PCDH15: variants seen among roughly 807,000 people sequenced by gnomAD.
PCDH15 encodes protocadherin-15.
Under a neutral mutation model 178.5 loss-of-function variants are expected in PCDH15, and 129 were observed. The observed-to-expected ratio is 0.72, with a 90% confidence interval of 0.63 to 0.84. The LOEUF is 0.84. Ranked by LOEUF, PCDH15 falls within the 40% of genes least tolerant of loss-of-function variation. PCDH15 has a pLI of 0.00. For missense variants in PCDH15, 2,230 were observed against 2,099.9 expected, an observed-to-expected ratio of 1.06 and a Z score of -1.21; for synonymous variants, 800 against 732.0, an observed-to-expected ratio of 1.09 and a Z score of -1.50.
intron 1 of PCDH15, among the ~76,000 whole-genome samples, chr10:54,706,412 A>G (rs1374316581): frequency 1.3e-5 from 2 of 152,170 alleles, no homozygotes; most frequent in Non-Finnish European, 2.9e-5. Flanking sequence ...ATAGGCCTAT[A>G]AGAATTTAAA....
In PCDH15 at chr10:54,828,350, T is replaced by C. The variant is rs1354671584; in HGVS notation, c.-29+69100A>G. Among the ~76,000 whole-genome samples the C allele has an allele frequency of 2.0e-5, 3 of 151,932 alleles. No individual in the cohort carries two copies. In the East Asian group the frequency reaches 5.8e-4, roughly 29 times the overall value. ...GGATCCAAAATGAAAATTGAGGATGTTGATAATTTGTAAAATCAAGCTTTT... is the reference window on the plus strand; with the variant it reads ...GGATCCAAAATGAAAATTGAGGATGCTGATAATTTGTAAAATCAAGCTTTT... On this transcript the variant is annotated intron_variant, in intron 3 of 5. Coordinates refer to the PCDH15 transcript ENST00000458638.
At chr10:53,818,232 C>G (rs574174860) in intron 33 of PCDH15, 9 of 361,224 alleles carry the variant, frequency 2.5e-5, no homozygotes, top group African/African-American at 1.9e-4. Context: ...CAACCCAGAG[C>G]CTCGTTCCAT....
intron 2 of PCDH15, among the ~76,000 whole-genome samples, chr10:54,925,077 G>C (rs1176871919): frequency 6.6e-6 from 1 of 151,852 alleles, no homozygotes. Context: ...TTATAGTTTT[G>C]GGTTCTATAT....
chr10:54,541,415 A>G (rs2132975286), intron 2 of PCDH15, among the ~76,000 whole-genome samples: 1 of 152,334 alleles, frequency 6.6e-6, no homozygotes, highest in Non-Finnish European at 1.5e-5. Context: ...TTTAAATTAC[A>G]TAGTGATAAT....
intron 16 of PCDH15, among the ~76,000 whole-genome samples, chr10:54,081,773 A>G (rs1337691031): frequency 6.6e-6 from 1 of 152,190 alleles, no homozygotes; most frequent in Non-Finnish European, 1.5e-5. Context: ...CAATTGATAA[A>G]GCATCAATAA....
At chr10:55,107,187 A>G (rs1564803744) in intron 2 of PCDH15, among the ~76,000 whole-genome samples, 1 of 152,192 alleles carries the variant, frequency 6.6e-6, no homozygotes, top group Non-Finnish European at 1.5e-5. Context: ...TTCTATTGGT[A>G]TACACTTAAA....
At position 53,828,553 on chromosome 10, in the gene PCDH15, A is replaced by C. The variant is rs766470560; in HGVS notation, c.4211+12T>G. ...ACATGAAAAGGATGTGTAAAATGTT[A>C]ATTATACTTACACTTTAAACCTGTT... On this transcript the variant is annotated intron_variant, in intron 31 of 37. Coordinates refer to ENST00000644397, the MANE Select transcript of PCDH15 (RefSeq NM_001384140.1). The C allele has an allele frequency of 2.6e-6, 4 of 1,551,588 alleles. No homozygotes were observed. The highest frequency in any genetic ancestry group is 2.7e-6 in the Non-Finnish European group (3 of 1,123,778).
At chr10:55,118,932 T>C (rs1004348785) in intron 2 of PCDH15, among the ~76,000 whole-genome samples, 16 of 152,152 alleles carry the variant, frequency 1.1e-4, no homozygotes, top group Non-Finnish European at 2.2e-4. Flanking sequence ...TGTGGTATAG[T>C]AAGTTTTCGT....
intron 2 of PCDH15, among the ~76,000 whole-genome samples, chr10:55,111,791 C>A (rs562032284): frequency 6.6e-6 from 1 of 151,980 alleles, no homozygotes; most frequent in Non-Finnish European, 1.5e-5. Context: ...TGCAGTGAGC[C>A]GAGATCATGC....
At chr10:54,026,932 C>T (rs1263790399) in intron 18 of PCDH15, among the ~76,000 whole-genome samples, 1 of 150,942 alleles carries the variant, frequency 6.6e-6, no homozygotes, top group South Asian at 2.1e-4. Flanking sequence ...GTTGGAAGTT[C>T]TGGCCAGGGC....
chr10:54,571,547 G>A (rs1201082409), intron 2 of PCDH15, among the ~76,000 whole-genome samples: 1 of 152,000 alleles, frequency 6.6e-6, no homozygotes, highest in East Asian at 1.9e-4. Context: ...AACCCATGAG[G>A]ACTCACTTAA....
chr10:53,916,491 C>G (rs2083541070), intron 25 of PCDH15, among the ~76,000 whole-genome samples: 1 of 148,368 alleles, frequency 6.7e-6, no homozygotes, highest in Non-Finnish European at 1.5e-5. Flanking sequence ...ATTTAAAAGC[C>G]TCTGCAACCA....
intron 21 of PCDH15, among the ~76,000 whole-genome samples, chr10:53,983,877 G>T (rs1173897544): frequency 6.6e-6 from 1 of 151,912 alleles, no homozygotes; most frequent in Non-Finnish European, 1.5e-5. Flanking sequence ...CAATCTACAA[G>T]ATTAAGCAGG....
chr10:55,503,472 A>C (rs1488718257), intron 2 of PCDH15, among the ~76,000 whole-genome samples: 1 of 150,480 alleles, frequency 6.6e-6, no homozygotes, highest in Non-Finnish European at 1.5e-5. Context: ...TATTTATTTT[A>C]TGTTGATAAT....
intron 1 of PCDH15, among the ~76,000 whole-genome samples, chr10:55,257,090 C>T (rs1219764078): frequency 3.3e-5 from 5 of 152,148 alleles, no homozygotes; most frequent in East Asian, 1.9e-4. Flanking sequence ...CTGCAGCCTC[C>T]GCTGCTGAAT....
chr10:54,042,557 C>T (rs1161381522), intron 18 of PCDH15, among the ~76,000 whole-genome samples: 1 of 151,880 alleles, frequency 6.6e-6, no homozygotes, highest in Non-Finnish European at 1.5e-5. Context: ...GAGGTAACAA[C>T]AAGTACAAAA....
At chr10:54,097,559 A>G (rs750731394) in intron 15 of PCDH15, among the ~76,000 whole-genome samples, 17 of 152,168 alleles carry the variant, frequency 1.1e-4, no homozygotes, top group Admixed American at 1.3e-4. Flanking sequence ...AAAATTCCAC[A>G]TAACTCACAT....
intron 1 of PCDH15, among the ~76,000 whole-genome samples, chr10:55,294,343 G>T (rs140598873): frequency 2.0e-5 from 3 of 152,072 alleles, no homozygotes; most frequent in Non-Finnish European, 4.4e-5. Context: ...GATTGCTCAC[G>T]GTTAGTTATG....
intron 21 of PCDH15, among the ~76,000 whole-genome samples, chr10:53,980,285 T>C (rs1347055379): frequency 6.6e-6 from 1 of 151,886 alleles, no homozygotes; most frequent in Non-Finnish European, 1.5e-5. Flanking sequence ...AGTAGACATA[T>C]ATCAGTAGGA....
Sources: gnomAD v4.1 joint callset for allele counts (sites outside exome capture counted in the v4.1 genomes callset) on GRCh38, gnomAD v4.1.1 for gene constraint, MANE v1.5 for transcripts, NCBI Gene and HGNC (gene_info 2026-07-23, HGNC 2026-07-21) for gene names.